Variants in ZFHX3 observed in about 807,000 individuals in gnomAD.
ZFHX3 encodes the protein zinc finger homeobox protein 3.
A neutral mutation model predicts 279.1 loss-of-function variants in ZFHX3; 42 were observed. The ratio of observed to expected loss-of-function variants is 0.15; its 90% CI spans 0.12 to 0.19. ZFHX3 has a LOEUF of 0.19. ZFHX3 is among the 10% of genes least tolerant of loss of function. ZFHX3 has a pLI of 1.00. For synonymous variants in ZFHX3, 2,293 were observed against 1,957.8 expected (o/e 1.17, Z -4.52); for missense variants, 4,981 against 4,754.0 (o/e 1.05, Z -1.40).
intron 7 of ZFHX3, chr16:73,099,128 A>G (rs1281235010): frequency 6.6e-6 from 1 of 152,254 alleles, no homozygotes; most frequent in Non-Finnish European, 1.5e-5. Context: ...TGGATTCAAG[A>G]CAAAATATTG....
At chr16:73,766,973 T>G (rs2053954408) in intron 1 of ZFHX3, among the ~76,000 whole-genome samples, 1 of 150,802 alleles carries the variant, frequency 6.6e-6, no homozygotes, top group Admixed American at 6.6e-5. Flanking sequence ...TCTTACTCTG[T>G]TGCCCAGGCT....
At chr16:73,009,334 T>C (rs1242876922) in intron 1 of ZFHX3, among the ~76,000 whole-genome samples, 2 of 152,176 alleles carry the variant, frequency 1.3e-5, no homozygotes, top group African/African-American at 4.8e-5. Context: ...TGTTACCATA[T>C]AATGAAGGAT....
intron 3 of ZFHX3, among the ~76,000 whole-genome samples, chr16:73,394,540 G>T (rs992461600): frequency 6.6e-6 from 1 of 151,996 alleles, no homozygotes; most frequent in East Asian, 1.9e-4. Context: ...CAAGTGATCC[G>T]CCTGCCTCGG....
intron 2 of ZFHX3, among the ~76,000 whole-genome samples, chr16:73,545,770 T>C (rs1027830520): frequency 1.3e-5 from 2 of 151,016 alleles, no homozygotes; most frequent in African/African-American, 2.4e-5. Context: ...GAGGCAGAAA[T>C]TGGGTGGAAC....
At chr16:72,968,071 T>C (rs1026091977) in intron 1 of ZFHX3, among the ~76,000 whole-genome samples, 9 of 150,696 alleles carry the variant, frequency 6.0e-5, no homozygotes, top group Non-Finnish European at 5.9e-5. Context: ...ACCACCTTCA[T>C]TGAGTGATCA....
At chr16:73,063,992 A>C (rs906228676), upstream of ZFHX3, among the ~76,000 whole-genome samples, 1 of 152,102 alleles carries the variant, frequency 6.6e-6, no homozygotes, top group Non-Finnish European at 1.5e-5. Context: ...TGGGGGCTGT[A>C]GGGATGCGCA....
chr16:73,306,378 G>A (rs992910935), intron 4 of ZFHX3, among the ~76,000 whole-genome samples: 2 of 152,286 alleles, frequency 1.3e-5, no homozygotes, highest in South Asian at 4.1e-4. Context: ...GGAGTGCAGT[G>A]GTGCCATCTC....
At chr16:73,473,339 C>CAAAAAAAAAAAAAAAAAAAAAAA (rs11347779) in intron 2 of ZFHX3, among the ~76,000 whole-genome samples, 23 of 76,664 alleles carry the variant, frequency 3.0e-4, no homozygotes, top group African/African-American at 7.6e-4. Context: ...TGTCTCAAAG[C>CAAAAAAAAAAAAAAAAAAAAAAA]AAAAAAAAAA....
intron 7 of ZFHX3, among the ~76,000 whole-genome samples, chr16:73,128,577 C>T (rs1269145306): frequency 6.6e-6 from 1 of 152,138 alleles, no homozygotes; most frequent in East Asian, 1.9e-4. Context: ...TAATAAATAA[C>T]AGGTACTATA....
chr16:73,747,867 A>G (rs1170875986), intron 1 of ZFHX3, among the ~76,000 whole-genome samples: 1 of 152,198 alleles, frequency 6.6e-6, no homozygotes, highest in Non-Finnish European at 1.5e-5. Context: ...CCAGTTGCAT[A>G]GCCTCCAAAA....
At chr16:73,254,545 G>A (rs1290912261) in intron 5 of ZFHX3, among the ~76,000 whole-genome samples, 1 of 151,922 alleles carries the variant, frequency 6.6e-6, no homozygotes, top group Non-Finnish European at 1.5e-5. Flanking sequence ...TAGATTCACA[G>A]GAAGTTGCAA....
At chr16:73,796,099 T>A (rs1057038649) in intron 1 of ZFHX3, among the ~76,000 whole-genome samples, 1 of 152,226 alleles carries the variant, frequency 6.6e-6, no homozygotes, top group Admixed American at 6.5e-5. Context: ...AATGTCATGA[T>A]TGTATTATGT....
intron 2 of ZFHX3, among the ~76,000 whole-genome samples, chr16:73,470,994 G>C (rs904413691): frequency 1.3e-5 from 2 of 152,196 alleles, no homozygotes; most frequent in Non-Finnish European, 2.9e-5. Context: ...TCTACAGTGT[G>C]GTTTGAGATT....
At position 72,955,763 on chromosome 16, in the gene ZFHX3, C is replaced by T. The variant is rs377419883; in HGVS notation, c.2719+1664G>A. ...ACTCACTCCAGCCTGGGTGACAGAG[C>T]GAGACTCTGTCTCAAAAAAAAAAAA... On this transcript the variant is annotated intron_variant, in intron 2 of 9. Coordinates refer to ENST00000268489, the MANE Select transcript of ZFHX3 (RefSeq NM_006885.4). Among the ~76,000 whole-genome samples, 143 of 117,498 alleles carry T rather than the reference C, an allele frequency of 1.2e-3. 7 individuals are homozygous for T. The South Asian group carries it at 0.039, about 32-fold the overall frequency. 77.1% of individuals were successfully genotyped at this position (117,498 alleles called of 152,430 possible).
At chr16:73,444,342 C>T (rs1220445345) in intron 3 of ZFHX3, among the ~76,000 whole-genome samples, 2 of 152,174 alleles carry the variant, frequency 1.3e-5, no homozygotes, top group African/African-American at 2.4e-5. Flanking sequence ...CTGTGCAAAA[C>T]AGCTGATCAG....
intron 4 of ZFHX3, among the ~76,000 whole-genome samples, chr16:72,866,735 C>A (rs944112864): frequency 2.6e-5 from 4 of 151,702 alleles, no homozygotes; most frequent in Non-Finnish European, 4.4e-5. Context: ...TTACAAGCCC[C>A]TTTCACTATC....
chr16:73,301,311 G>A (rs1221453306), intron 4 of ZFHX3, among the ~76,000 whole-genome samples: 1 of 152,160 alleles, frequency 6.6e-6, no homozygotes, highest in Non-Finnish European at 1.5e-5. Flanking sequence ...AAGGATTAGA[G>A]GTAAAAGTGT....
intron 2 of ZFHX3, among the ~76,000 whole-genome samples, chr16:73,460,442 T>C (rs2143579154): frequency 6.6e-6 from 1 of 152,344 alleles, no homozygotes; most frequent in South Asian, 2.1e-4. Flanking sequence ...ATGTACAGTA[T>C]TTTGTGTGAA....
At chr16:73,771,232 G>T (rs1192137388) in intron 1 of ZFHX3, among the ~76,000 whole-genome samples, 1 of 152,148 alleles carries the variant, frequency 6.6e-6, no homozygotes, top group Admixed American at 6.5e-5. Context: ...GCCCTGCTTT[G>T]TCTATGTGGA....
Sources: gnomAD v4.1 joint callset for allele counts (sites outside exome capture counted in the v4.1 genomes callset) on GRCh38, gnomAD v4.1.1 for gene constraint, MANE v1.5 for transcripts, NCBI Gene and HGNC (gene_info 2026-07-23, HGNC 2026-07-21) for gene names.